The following COBL variants were observed in gnomAD, a reference collection of about 807,000 sequenced individuals.
COBL encodes the protein cordon-bleu WH2 repeat protein.
Under a neutral mutation model 98.8 loss-of-function variants are expected in COBL, and 51 were observed. The observed-to-expected ratio is 0.52, with a 90% CI of 0.41 to 0.65. The LOEUF (loss-of-function observed/expected upper bound fraction) is 0.65, where lower values mean the gene tolerates loss of function less well. COBL is among the 30% of genes least tolerant of loss of function. COBL has a pLI of 0.00. For synonymous variants in COBL, 634 were observed against 651.7 expected (o/e 0.97, Z 0.41); for missense variants, 1,617 against 1,617.5 (o/e 1.00, Z 0.01).
At chr7:51,209,105 G>C (rs1049945441) in intron 2 of COBL, among the ~76,000 whole-genome samples, 1 of 142,368 alleles carries the variant, frequency 7.0e-6, no homozygotes, top group East Asian at 2.0e-4. Flanking sequence ...TGATCAGCCA[G>C]AGGCACTCGT....
intron 2 of COBL, among the ~76,000 whole-genome samples, chr7:51,208,483 G>T (rs1393931308): frequency 4.0e-5 from 6 of 151,692 alleles, no homozygotes; most frequent in African/African-American, 9.7e-5. Flanking sequence ...TCCGGGAGGT[G>T]AGGGGCGCCT....
intron 5 of COBL, among the ~76,000 whole-genome samples, chr7:51,139,670 C>A (rs1333479925): frequency 1.3e-5 from 2 of 152,176 alleles, no homozygotes; most frequent in Admixed American, 1.3e-4. Context: ...TTATGTTGTC[C>A]AGCGAATACT....
intron 5 of COBL, among the ~76,000 whole-genome samples, chr7:51,176,911 G>C (rs1788428382): frequency 1.3e-5 from 2 of 152,116 alleles, no homozygotes; most frequent in South Asian, 4.1e-4. Context: ...TAGTAAATAA[G>C]CCCAAATGCT....
At chr7:51,260,928 T>C (rs549216833) in intron 1 of COBL, among the ~76,000 whole-genome samples, 1 of 152,260 alleles carries the variant, frequency 6.6e-6, no homozygotes, top group East Asian at 1.9e-4. Flanking sequence ...TCAGATCACA[T>C]CCTGCCTTTC....
At chr7:51,110,804 T>C (rs574196403) in intron 6 of COBL, among the ~76,000 whole-genome samples, 1 of 152,246 alleles carries the variant, frequency 6.6e-6, no homozygotes, top group Non-Finnish European at 1.5e-5. Flanking sequence ...TTTCCATTCC[T>C]GAGTTACTTC....
chr7:51,147,964 G>A (rs879859548), intron 5 of COBL, among the ~76,000 whole-genome samples: 19 of 151,858 alleles, frequency 1.3e-4, no homozygotes, highest in African/African-American at 3.1e-4. Context: ...GGGTTTTACC[G>A]TGTTAGCCAG....
Position 51,191,072 on chromosome 7 carries a change from C to T in COBL, c.463G>A (p.Val155Met), listed in dbSNP as rs1399614517. ...PGPPKVPEKS[V>M]RLVVNYLRTQ... is the part of the protein sequence containing the mutation. The stretch of plus-strand genomic sequence containing the variant: ...CGCAGGTAATTCACGACCAAACGCA[C>T]AGATTTCTGGAAGAACACACAGGCA... The change falls in exon 4 of 13, where the codon GTG becomes ATG. Residue 155 changes from valine to methionine, a missense_variant. Val to Met is a conservative substitution (Grantham distance 21). Coordinates refer to ENST00000265136, the MANE Select transcript of COBL (RefSeq NM_015198.5). 3 of 1,613,762 alleles carry T rather than the reference C, an allele frequency of 1.9e-6. No individual in the cohort carries two copies. In the East Asian group the frequency reaches 6.7e-5, roughly 36 times the overall value.
At chr7:51,272,019 A>G (rs947619304) in intron 1 of COBL, among the ~76,000 whole-genome samples, 1 of 152,228 alleles carries the variant, frequency 6.6e-6, no homozygotes, top group African/African-American at 2.4e-5. Flanking sequence ...ACAGAGCAAG[A>G]CTGTCTCAAT....
chr7:51,108,814 A>C (rs925909016), intron 6 of COBL, among the ~76,000 whole-genome samples: 5 of 151,978 alleles, frequency 3.3e-5, no homozygotes, highest in Admixed American at 6.6e-5. Context: ...TGGGGAGGTC[A>C]CCCTGAGCTC....
At chr7:51,163,747 T>A (rs576987590) in intron 5 of COBL, among the ~76,000 whole-genome samples, 1 of 152,332 alleles carries the variant, frequency 6.6e-6, no homozygotes, top group African/African-American at 2.4e-5. Context: ...AATCCCCTCC[T>A]GATGGGCATG....
chr7:51,135,790 T>C (rs542360855), intron 6 of COBL, among the ~76,000 whole-genome samples: 1 of 152,344 alleles, frequency 6.6e-6, no homozygotes, highest in African/African-American at 2.4e-5. Context: ...TGTTGGCATT[T>C]GTGGCATGCT....
At chr7:51,215,569 A>G (rs927889832) in intron 2 of COBL, among the ~76,000 whole-genome samples, 26 of 152,208 alleles carry the variant, frequency 1.7e-4, no homozygotes, top group African/African-American at 6.0e-4. Context: ...AATTTACTCT[A>G]TTGTAATGGG....
At chr7:51,061,451 T>C (rs1170066223) in intron 7 of COBL, among the ~76,000 whole-genome samples, 1 of 152,148 alleles carries the variant, frequency 6.6e-6, no homozygotes, top group Non-Finnish European at 1.5e-5. Context: ...TTTTCGGTTG[T>C]ATACAGGACA....
At chr7:51,271,847 A>G (rs1204157829) in intron 1 of COBL, among the ~76,000 whole-genome samples, 3 of 152,222 alleles carry the variant, frequency 2.0e-5, no homozygotes, top group Admixed American at 2.0e-4. Flanking sequence ...TTTGGCCAAC[A>G]TGGTGAAACC....
At chr7:51,151,963 C>T (rs1231948637) in intron 5 of COBL, among the ~76,000 whole-genome samples, 1 of 152,212 alleles carries the variant, frequency 6.6e-6, no homozygotes, top group Non-Finnish European at 1.5e-5. Context: ...AGCAAAACAT[C>T]TCTTTAATGA....
intron 5 of COBL, among the ~76,000 whole-genome samples, chr7:51,139,564 T>C (rs570536138): frequency 1.4e-4 from 21 of 152,338 alleles, no homozygotes; most frequent in Admixed American, 4.6e-4. Flanking sequence ...AGGAGGTCGA[T>C]TGCAGGGTCC....
chr7:51,229,154 T>TC (rs1446310871), intron 1 of COBL, among the ~76,000 whole-genome samples: 1 of 152,186 alleles, frequency 6.6e-6, no homozygotes, highest in African/African-American at 2.4e-5. Flanking sequence ...TCCTTGGGCT[T>TC]CCCTGGACGA....
chr7:51,119,246 G>A (rs563235142), intron 6 of COBL, among the ~76,000 whole-genome samples: 1 of 152,136 alleles, frequency 6.6e-6, no homozygotes, highest in Admixed American at 6.5e-5. Context: ...CCTAATCTAG[G>A]TTCTCATTAC....
intron 5 of COBL, among the ~76,000 whole-genome samples, chr7:51,138,011 GA>G (rs1409743843): frequency 6.6e-6 from 1 of 151,940 alleles, no homozygotes; most frequent in South Asian, 2.1e-4. Context: ...TTGTTTTCCT[GA>G]AAAAAAATTG....
Sources: allele counts gnomAD v4.1 joint callset (sites outside exome capture counted in the v4.1 genomes callset), GRCh38; gene constraint gnomAD v4.1.1; transcripts MANE v1.5; gene names NCBI Gene and HGNC (gene_info 2026-07-23, HGNC 2026-07-21).